Variants in PTGFR observed in about 807,000 individuals in gnomAD.
PTGFR encodes prostaglandin F2-alpha receptor.
In PTGFR, 15 loss-of-function variants were observed where a neutral mutation model predicts 26.2. The observed-to-expected ratio is 0.57, with a 90% CI of 0.38 to 0.88. The LOEUF (loss-of-function observed/expected upper bound fraction) is 0.88. Ranked by LOEUF, PTGFR falls within the 40% of genes least tolerant of loss-of-function variation. PTGFR has a pLI of 0.00. For missense variants in PTGFR, 369 were observed against 427.2 expected (o/e 0.86, Z 1.20); for synonymous variants, 165 against 151.1 (o/e 1.09, Z -0.68).
chr1:78,499,665 A>G (rs1226582238), intron 2 of PTGFR, among the ~76,000 whole-genome samples: 1 of 152,206 alleles, frequency 6.6e-6, no homozygotes, highest in African/African-American at 2.4e-5. Flanking sequence ...TTCCCTAAGA[A>G]TGTAAGTTGG....
At chr1:78,497,425 C>T (rs1416535432) in intron 2 of PTGFR, among the ~76,000 whole-genome samples, 3 of 152,068 alleles carry the variant, frequency 2.0e-5, no homozygotes, top group Non-Finnish European at 1.5e-5. Context: ...AATCACTTTT[C>T]CTTAACACAT....
chr1:78,492,551 A>G (rs1168885918), intron 1 of PTGFR, 121 bp from the exon 2 acceptor site: 6 of 557,366 alleles, frequency 1.1e-5, no homozygotes, highest in Non-Finnish European at 1.9e-5. Flanking sequence ...AGTATGATGC[A>G]ACCTTGCTTA....
intron 2 of PTGFR, among the ~76,000 whole-genome samples, chr1:78,502,163 C>A (rs573045239): frequency 1.3e-5 from 2 of 152,272 alleles, no homozygotes; most frequent in East Asian, 1.9e-4. Flanking sequence ...TGCCTGCTAA[C>A]CTCCTAAATA....
At chr1:78,531,962 CATA>C (rs1166944396) in intron 2 of PTGFR, among the ~76,000 whole-genome samples, 1 of 151,954 alleles carries the variant, frequency 6.6e-6, no homozygotes, top group Non-Finnish European at 1.5e-5. Flanking sequence ...TGGTGTCACA[CATA>C]ATGGCTGTAT....
chr1:78,523,542 C>T (rs931034945), intron 2 of PTGFR, among the ~76,000 whole-genome samples: 5 of 151,856 alleles, frequency 3.3e-5, no homozygotes, highest in African/African-American at 1.2e-4. Flanking sequence ...GTGAAAAACA[C>T]GTATAAATAC....
intron 2 of PTGFR, among the ~76,000 whole-genome samples, chr1:78,495,614 G>T (rs1270372551): frequency 6.6e-6 from 1 of 152,210 alleles, no homozygotes; most frequent in African/African-American, 2.4e-5. Flanking sequence ...CCGGACAACT[G>T]AGGTAATCAC....
At chr1:78,518,005 A>G (rs1200481823) in intron 2 of PTGFR, among the ~76,000 whole-genome samples, 2 of 152,188 alleles carry the variant, frequency 1.3e-5, no homozygotes, top group Non-Finnish European at 2.9e-5. Flanking sequence ...TTTGTAAATA[A>G]CAAAGAAAAT....
chr1:78,493,461 G>C lies in PTGFR; in HGVS notation c.718G>C (p.Gly240Arg), dbSNP rs1649468050. The C allele has an allele frequency of 1.2e-6, 2 of 1,603,338 alleles. No individual in the cohort carries two copies. Residue 240 changes from glycine to arginine, a missense_variant, in exon 2 of 3, where the codon GGC (glycine) becomes CGC (arginine). Coordinates refer to ENST00000370757, the MANE Select transcript of PTGFR (RefSeq NM_000959.4). ...VKFKSQQHRQ[G>R]RSHHLEMVIQ... The stretch of plus-strand genomic sequence containing the variant: ...ATTTAAAAGTCAGCAGCACAGACAA[G>C]GCAGATCTCATCATTTGGAAATGGT...
chr1:78,533,883 A>G (rs886100595), intron 2 of PTGFR, among the ~76,000 whole-genome samples: 4 of 152,164 alleles, frequency 2.6e-5, no homozygotes, highest in Non-Finnish European at 5.9e-5. Context: ...GCCCAAATGA[A>G]TGGAGATTCA....
chr1:78,504,624 G>A lies in PTGFR; in HGVS notation c.798+11083G>A, dbSNP rs181417016. On this transcript the variant is annotated intron_variant, in intron 2 of 2. Coordinates refer to ENST00000370757, the MANE Select transcript of PTGFR (RefSeq NM_000959.4). The stretch of plus-strand genomic sequence containing the variant: ...ACTGATTGTTTCATGTTTAAAAAAT[G>A]CTTTTCTCAGGCTGAGATGATATCA... Among the ~76,000 whole-genome samples the A allele has an allele frequency of 1.2e-3, 179 of 152,172 alleles. 1 individual carries two copies. The highest frequency in any genetic ancestry group is 4.2e-3 in the African/African-American group (173 of 41,546).
chr1:78,503,804 AG>A (rs1293949536), intron 2 of PTGFR, among the ~76,000 whole-genome samples: 1 of 152,244 alleles, frequency 6.6e-6, no homozygotes, highest in Non-Finnish European at 1.5e-5. Flanking sequence ...CTGATCACAA[AG>A]GTGAATTAGT....
chr1:78,502,043 A>C (rs368619302), intron 2 of PTGFR, among the ~76,000 whole-genome samples: 20 of 152,202 alleles, frequency 1.3e-4, no homozygotes, highest in African/African-American at 4.6e-4. Context: ...GATTGGTTGC[A>C]GTAGAAAGGA....
At chr1:78,532,013 A>G (rs1034340538) in intron 2 of PTGFR, among the ~76,000 whole-genome samples, 4 of 152,076 alleles carry the variant, frequency 2.6e-5, no homozygotes, top group African/African-American at 9.7e-5. Flanking sequence ...AGATCAAGAA[A>G]GGTTTTCTGC....
chr1:78,534,023 AT>A (rs1650586534), intron 2 of PTGFR, among the ~76,000 whole-genome samples: 1 of 152,030 alleles, frequency 6.6e-6, no homozygotes, highest in Non-Finnish European at 1.5e-5. Flanking sequence ...AGGTGAATTA[AT>A]TTTTTCATAG....
At chr1:78,513,858 G>A (rs1485498194) in intron 2 of PTGFR, among the ~76,000 whole-genome samples, 6 of 152,208 alleles carry the variant, frequency 3.9e-5, no homozygotes, top group African/African-American at 2.4e-5. Flanking sequence ...TGGCTCAAAG[G>A]GCCTCAGGCA....
intron 2 of PTGFR, among the ~76,000 whole-genome samples, chr1:78,524,533 G>T (rs1402867389): frequency 6.6e-6 from 1 of 152,028 alleles, no homozygotes; most frequent in Non-Finnish European, 1.5e-5. Context: ...TAAAAGAGAG[G>T]CAAGACATTT....
chr1:78,522,053 G>A (rs541417244), intron 2 of PTGFR, among the ~76,000 whole-genome samples: 1 of 152,138 alleles, frequency 6.6e-6, no homozygotes, highest in South Asian at 2.1e-4. Context: ...TTACAGGCTT[G>A]GGGGAAGAAT....
rs1330905686 is a variant in PTGFR, at chr1:78,539,201, TA to T, written c.*2515del. 1 of 151,996 alleles carries T rather than the reference TA, an allele frequency of 6.6e-6. No individual in the cohort carries two copies. Among genetic ancestry groups the T allele is most frequent in the Non-Finnish European group, 1.5e-5 (1 of 67,962 alleles). 9.4% of individuals were successfully genotyped at this position (151,996 alleles called of 1,614,324 possible). A position where few individuals can be genotyped will look rare whatever the true frequency, so the allele number is the denominator to read the frequency against. Reference sequence around the variant, plus strand: ...AGAAAGTTACTTCTAATGATCTATATAGCTAAAACGAAAAATACCTGAAAGT... The same window carrying T: ...AGAAAGTTACTTCTAATGATCTATATGCTAAAACGAAAAATACCTGAAAGT... On this transcript the variant is annotated 3_prime_UTR_variant, in exon 3 of 3. Coordinates refer to ENST00000370757, the MANE Select transcript of PTGFR (RefSeq NM_000959.4).
intron 2 of PTGFR, among the ~76,000 whole-genome samples, chr1:78,523,661 C>G (rs1650300047): frequency 6.6e-6 from 1 of 152,080 alleles, no homozygotes; most frequent in Non-Finnish European, 1.5e-5. Flanking sequence ...AACACTGCAA[C>G]AGAATTTTAT....
Sources: gnomAD v4.1 joint callset for allele counts (sites outside exome capture counted in the v4.1 genomes callset) on GRCh38, gnomAD v4.1.1 for gene constraint, MANE v1.5 for transcripts, NCBI Gene and HGNC (gene_info 2026-07-23, HGNC 2026-07-21) for gene names.